Variants in ASXL3 observed in about 807,000 individuals in gnomAD.
The protein encoded by ASXL3 is putative Polycomb group protein ASXL3.
In ASXL3, 34 loss-of-function variants were observed where a neutral mutation model predicts 170.6. That is an observed-to-expected ratio of 0.20 (90% CI 0.15 to 0.27). The LOEUF (loss-of-function observed/expected upper bound fraction) is 0.27, where lower values mean the gene tolerates loss of function less well. ASXL3 is among the 10% of genes least tolerant of loss of function. The pLI, the probability that ASXL3 is intolerant of heterozygous loss-of-function variation, is 1.00. For synonymous variants in ASXL3, 1,002 were observed against 989.1 expected, an observed-to-expected ratio of 1.01 and a Z score of -0.24; for missense variants, 2,592 against 2,695.3, an observed-to-expected ratio of 0.96 and a Z score of 0.85.
chr18:33,672,017 A>G (rs2066351571), intron 7 of ASXL3, among the ~76,000 whole-genome samples, 151 bp downstream of exon 7: 1 of 152,246 alleles, frequency 6.6e-6, no homozygotes, highest in African/African-American at 2.4e-5. Context: ...ATGCTAAATA[A>G]GGAAACATTC....
chr18:33,676,606 C>G (rs1315542701), intron 7 of ASXL3, among the ~76,000 whole-genome samples: 1 of 152,166 alleles, frequency 6.6e-6, no homozygotes, highest in African/African-American at 2.4e-5. Flanking sequence ...ACAATGTCTA[C>G]AAGGACTCCT....
At chr18:33,702,206 C>T (rs2066884886) in intron 8 of ASXL3, among the ~76,000 whole-genome samples, 1 of 152,170 alleles carries the variant, frequency 6.6e-6, no homozygotes, top group Non-Finnish European at 1.5e-5. Context: ...CAACATCAAG[C>T]ATTTCATAGA....
intron 10 of ASXL3, among the ~76,000 whole-genome samples, chr18:33,735,934 C>T (rs1305113284): frequency 1.3e-5 from 2 of 152,140 alleles, no homozygotes; most frequent in Non-Finnish European, 2.9e-5. Context: ...TTACAGAGAG[C>T]TTTCTTTCAT....
At chr18:33,605,033 G>T (rs1405297324) in intron 1 of ASXL3, among the ~76,000 whole-genome samples, 1 of 152,028 alleles carries the variant, frequency 6.6e-6, no homozygotes, top group African/African-American at 2.4e-5. Flanking sequence ...AAACATTAAA[G>T]AAGTTAATGG....
intron 2 of ASXL3, among the ~76,000 whole-genome samples, chr18:33,639,852 C>T (rs1041698089): frequency 5.9e-5 from 9 of 152,006 alleles, no homozygotes; most frequent in Admixed American, 1.3e-4. Context: ...GTCTGGAGTT[C>T]GAAGTTCTTT....
chr18:33,691,736 A>G (rs1383077945), intron 8 of ASXL3, among the ~76,000 whole-genome samples: 1 of 152,142 alleles, frequency 6.6e-6, no homozygotes, highest in Non-Finnish European at 1.5e-5. Context: ...AGATAATTAC[A>G]TTGTCTGTAA....
chr18:33,636,787 T>C (rs937906137), intron 2 of ASXL3, among the ~76,000 whole-genome samples: 1 of 152,054 alleles, frequency 6.6e-6, no homozygotes, highest in African/African-American at 2.4e-5. Context: ...CAGAAGTGTC[T>C]TGGATTTTGG....
intron 2 of ASXL3, among the ~76,000 whole-genome samples, chr18:33,630,168 G>A (rs7237528): frequency 0.55 from 82,856 of 151,732 alleles, 23,300 homozygotes; most frequent in African/African-American, 0.63. Context: ...AGTCTGGGGA[G>A]GGGAAGGGTG....
rs1218823039 is a variant in ASXL3, at chr18:33,742,779, AT to A, written c.3040-107del. 3.9e-5 allele frequency: 55 copies of A among 1,414,674 alleles called. 1 individual carries two copies. The highest frequency in any genetic ancestry group is 4.8e-5 in the Non-Finnish European group (51 of 1,069,932). 87.6% of individuals were successfully genotyped at this position (1,414,674 alleles called of 1,614,324 possible). A position where few individuals can be genotyped will look rare whatever the true frequency, so the allele number is the denominator to read the frequency against. On this transcript the variant is annotated intron_variant, in intron 11 of 11. Coordinates refer to ENST00000269197, the MANE Select transcript of ASXL3 (RefSeq NM_030632.3). ...GGGATTTAGGTGTAGTTCATGGCAT[AT>A]TAGGAGAGAATGCAGCTAGTCTTTT...
At chr18:33,601,195 C>T (rs982876317) in intron 1 of ASXL3, among the ~76,000 whole-genome samples, 1 of 151,568 alleles carries the variant, frequency 6.6e-6, no homozygotes, top group African/African-American at 2.4e-5. Context: ...CATTTAATTC[C>T]TATGATTTTC....
intron 8 of ASXL3, among the ~76,000 whole-genome samples, chr18:33,686,183 A>G (rs1390543036): frequency 6.6e-6 from 1 of 152,172 alleles, no homozygotes; most frequent in Non-Finnish European, 1.5e-5. Flanking sequence ...CCATTGAGAA[A>G]CTTTTTTTAT....
chr18:33,694,674 A>G (rs999047973), intron 8 of ASXL3, among the ~76,000 whole-genome samples: 1 of 151,718 alleles, frequency 6.6e-6, no homozygotes, highest in Non-Finnish European at 1.5e-5. Flanking sequence ...ATTCTTTTGC[A>G]TTTATGTCTG....
At chr18:33,598,169 G>A (rs1192447844) in intron 1 of ASXL3, among the ~76,000 whole-genome samples, 1 of 152,020 alleles carries the variant, frequency 6.6e-6, no homozygotes, top group Non-Finnish European at 1.5e-5. Flanking sequence ...TGTTTTCAGA[G>A]TTGTTATATA....
chr18:33,639,660 T>C (rs1162491105), intron 2 of ASXL3, among the ~76,000 whole-genome samples: 3 of 152,176 alleles, frequency 2.0e-5, no homozygotes, highest in Admixed American at 1.3e-4. Context: ...TGTATTAATG[T>C]TTTTGAATTT....
chr18:33,595,171 A>G (rs1599377499), intron 1 of ASXL3, among the ~76,000 whole-genome samples: 1 of 152,204 alleles, frequency 6.6e-6, no homozygotes, highest in East Asian at 1.9e-4. Flanking sequence ...AGTTCTAGGT[A>G]AATAACTTTT....
chr18:33,734,892 G>A (rs1455691141), intron 10 of ASXL3, among the ~76,000 whole-genome samples: 4 of 152,052 alleles, frequency 2.6e-5, no homozygotes, highest in African/African-American at 9.7e-5. Flanking sequence ...CTCTTCAAAT[G>A]TCATCTGTCT....
At chr18:33,634,713 G>T (rs2065738472) in intron 2 of ASXL3, among the ~76,000 whole-genome samples, 2 of 151,996 alleles carry the variant, frequency 1.3e-5, no homozygotes, top group Non-Finnish European at 2.9e-5. Flanking sequence ...TCCCATTTCT[G>T]GATGTCCTCA....
intron 2 of ASXL3, among the ~76,000 whole-genome samples, chr18:33,632,276 T>A (rs2065690230): frequency 6.6e-6 from 1 of 152,116 alleles, no homozygotes; most frequent in African/African-American, 2.4e-5. Context: ...CTTAGTAATA[T>A]TTTCTCATAT....
intron 2 of ASXL3, among the ~76,000 whole-genome samples, chr18:33,620,642 A>G (rs547787820): frequency 6.6e-6 from 1 of 152,306 alleles, no homozygotes; most frequent in East Asian, 1.9e-4. Context: ...TCCAATTATA[A>G]CTTAATTCCC....
Sources: allele counts gnomAD v4.1 joint callset (sites outside exome capture counted in the v4.1 genomes callset), GRCh38; gene constraint gnomAD v4.1.1; transcripts MANE v1.5; gene names NCBI Gene and HGNC (gene_info 2026-07-23, HGNC 2026-07-21).